Variants in NUP98 observed in about 807,000 individuals in gnomAD.
The protein encoded by NUP98 is nuclear pore complex protein Nup98-Nup96.
NUP98 carries 26 observed loss-of-function variants against 191.9 expected under a neutral mutation model. That is an observed-to-expected ratio of 0.14 (90% confidence interval 0.10 to 0.19). The LOEUF is 0.19. Ranked by LOEUF, NUP98 falls within the 10% of genes least tolerant of loss-of-function variation. The pLI, the probability that NUP98 is intolerant of heterozygous loss-of-function variation, is 1.00. For synonymous variants in NUP98, 808 were observed against 778.4 expected (o/e 1.04, Z -0.63); for missense variants, 1,941 against 2,178.8 (o/e 0.89, Z 2.17).
chr11:3,698,955 TG>T (rs1218026180), intron 25 of NUP98, 126 bp downstream of exon 25: 4 of 1,035,156 alleles, frequency 3.9e-6, no homozygotes, highest in African/African-American at 1.6e-5. Context: ...GCAATCTTTC[TG>T]GGAAGTCCGC....
chr11:3,681,979 T>C (rs999417035), intron 30 of NUP98, among the ~76,000 whole-genome samples: 4 of 152,202 alleles, frequency 2.6e-5, no homozygotes, highest in African/African-American at 7.2e-5. Flanking sequence ...CTTAGCTAGA[T>C]CTTCTGGGTA....
intron 25 of NUP98, among the ~76,000 whole-genome samples, chr11:3,696,465 G>T (rs2078509515): frequency 6.6e-6 from 1 of 151,986 alleles, no homozygotes; most frequent in Non-Finnish European, 1.5e-5. Flanking sequence ...TTGCACTACT[G>T]CACTCCAGCC....
At chr11:3,707,701 TGCATTCCAGCATGG>T (rs1237478051) in intron 20 of NUP98, among the ~76,000 whole-genome samples, 3 of 116,484 alleles carry the variant, frequency 2.6e-5, no homozygotes, top group Admixed American at 1.2e-4. Context: ...ACTGGGCCAC[TGCATTCCAGCATGG>T]GCAACAGAAT....
At chr11:3,695,424 A>G (rs949960799) in intron 26 of NUP98, 25 bp downstream of exon 26, 12 of 1,502,434 alleles carry the variant, frequency 8.0e-6, no homozygotes, top group South Asian at 1.3e-5. Context: ...CCAATGTGAG[A>G]TATTATGGTA....
intron 1 of NUP98, among the ~76,000 whole-genome samples, chr11:3,791,190 C>T (rs2082334289): frequency 6.6e-6 from 1 of 152,156 alleles, no homozygotes; most frequent in South Asian, 2.1e-4. Context: ...CCACTGCGCC[C>T]CGCCCACCAT....
intron 6 of NUP98, 97 bp from the exon 7 acceptor site, chr11:3,772,025 T>G: frequency 5.0e-6 from 5 of 996,968 alleles, no homozygotes; most frequent in Non-Finnish European, 5.9e-6. Context: ...AGTTCTATGT[T>G]CACATAGGAA....
chr11:3,773,891 A>G (rs1239520863), intron 5 of NUP98, 152 bp from the exon 6 acceptor site: 1 of 527,148 alleles, frequency 1.9e-6, no homozygotes, highest in Non-Finnish European at 3.4e-6. Context: ...ATATACTGCC[A>G]TTTCTGATCT....
At chr11:3,733,657 C>T (rs2079928340) in intron 13 of NUP98, among the ~76,000 whole-genome samples, 1 of 152,164 alleles carries the variant, frequency 6.6e-6, no homozygotes, top group South Asian at 2.1e-4. Flanking sequence ...TATGTTATAG[C>T]ATGTATCAGT....
intron 16 of NUP98, among the ~76,000 whole-genome samples, chr11:3,722,597 T>C (rs1322304956): frequency 6.6e-6 from 1 of 151,938 alleles, no homozygotes; most frequent in African/African-American, 2.4e-5. Flanking sequence ...GAGGCCAAGA[T>C]AGGAGGATCA....
chr11:3,688,923 ATTTC>A (rs1253436943), intron 28 of NUP98, among the ~76,000 whole-genome samples: 1 of 150,808 alleles, frequency 6.6e-6, no homozygotes, highest in African/African-American at 2.4e-5. Flanking sequence ...AACTGTAAGT[ATTTC>A]TAAGGTAATG....
intron 12 of NUP98, 117 bp downstream of exon 12, chr11:3,744,392 A>T: frequency 2.0e-6 from 2 of 1,014,254 alleles, no homozygotes; most frequent in Non-Finnish European, 2.8e-6. Flanking sequence ...CCAATTGTTT[A>T]ATGACATGCA....
At chr11:3,682,604 T>C (rs2078015494) in intron 30 of NUP98, among the ~76,000 whole-genome samples, 1 of 152,180 alleles carries the variant, frequency 6.6e-6, no homozygotes, top group Non-Finnish European at 1.5e-5. Context: ...TGGATGCAGT[T>C]GGTGGCACCC....
At chr11:3,719,193 T>TA (rs1205425134) in intron 18 of NUP98, among the ~76,000 whole-genome samples, 4 of 151,354 alleles carry the variant, frequency 2.6e-5, no homozygotes, top group Admixed American at 2.0e-4. Context: ...CCAAGGAATG[T>TA]AAAAAAATGA....
At chr11:3,736,094 GTGTGTT>G (rs1211064346) in intron 12 of NUP98, among the ~76,000 whole-genome samples, 1 of 146,254 alleles carries the variant, frequency 6.8e-6, no homozygotes, top group Non-Finnish European at 1.5e-5. Context: ...GTGTGTGTGT[GTGTGTT>G]TTGTTTTTTT....
At chr11:3,783,432 CTCACGCCTGTAA>C (rs1020456311) in intron 1 of NUP98, among the ~76,000 whole-genome samples, 3 of 152,242 alleles carry the variant, frequency 2.0e-5, no homozygotes, top group African/African-American at 7.2e-5. Context: ...GGCGCGGTGG[CTCACGCCTGTAA>C]TCCCAGCACT....
At chr11:3,786,156 G>A (rs1280662146) in intron 1 of NUP98, among the ~76,000 whole-genome samples, 2 of 152,188 alleles carry the variant, frequency 1.3e-5, no homozygotes, top group African/African-American at 4.8e-5. Context: ...GTTGACCCCA[G>A]CGGCCAATGC....
At chr11:3,771,601 A>G (rs1052160688) in intron 7 of NUP98, 147 bp downstream of exon 7, 2 of 651,022 alleles carry the variant, frequency 3.1e-6, no homozygotes, top group African/African-American at 1.8e-5. Context: ...CCCTTTCCCC[A>G]CATACATCCA....
At chr11:3,787,007 C>G (rs527750023) in intron 1 of NUP98, among the ~76,000 whole-genome samples, 15 of 152,316 alleles carry the variant, frequency 9.8e-5, no homozygotes, top group Admixed American at 8.5e-4. Context: ...GTACTTCCTA[C>G]TTTACAAAGC....
intron 31 of NUP98, chr11:3,676,849 T>A: frequency 3.2e-6 from 2 of 628,166 alleles, no homozygotes; most frequent in Non-Finnish European, 5.8e-6. Context: ...CTAGGAAAAG[T>A]CTTGAGATCC....
Sources: gnomAD v4.1 joint callset for allele counts (sites outside exome capture counted in the v4.1 genomes callset) on GRCh38, gnomAD v4.1.1 for gene constraint, MANE v1.5 for transcripts, NCBI Gene and HGNC (gene_info 2026-07-23, HGNC 2026-07-21) for gene names.